The following RIMS1 variants were observed in gnomAD, a reference collection of about 807,000 sequenced individuals.
RIMS1 encodes regulating synaptic membrane exocytosis 1.
RIMS1 carries 83 observed loss-of-function variants against 214.1 expected under a neutral mutation model. The ratio of observed to expected loss-of-function variants is 0.39; its 90% CI spans 0.32 to 0.47. RIMS1 has a LOEUF of 0.47. Among genes scored for constraint, RIMS1 ranks in the 20% least tolerant of loss-of-function variants. The pLI is 0.99. For missense variants in RIMS1, 2,050 were observed against 2,161.8 expected (o/e 0.95, Z 1.03); for synonymous variants, 793 against 786.8 (o/e 1.01, Z -0.13).
At chr6:72,059,760 ATCAG>A (rs1264175786) in intron 2 of RIMS1, among the ~76,000 whole-genome samples, 30 of 152,332 alleles carry the variant, frequency 2.0e-4, no homozygotes, top group Middle Eastern at 3.4e-3. Context: ...TCTTTCAGTC[ATCAG>A]TCAATGAATC....
Position 72,266,065 on chromosome 6 carries a change from T to C in RIMS1, c.3398+16T>C. On this transcript the variant is annotated intron_variant, in intron 22 of 33. Coordinates refer to ENST00000521978, the MANE Select transcript of RIMS1 (RefSeq NM_014989.7). Reference sequence around the variant, plus strand: ...AACGAGAAAGGTATAAAATAAAGACTTTCTTAATTTCTTATCATTTGTACT... The same window carrying C: ...AACGAGAAAGGTATAAAATAAAGACCTTCTTAATTTCTTATCATTTGTACT... 1 of 1,502,890 alleles carries C rather than the reference T, an allele frequency of 6.7e-7. No homozygotes were observed. Among genetic ancestry groups the C allele is most frequent in the South Asian group, 1.2e-5 (1 of 83,250 alleles). 93.1% of individuals were successfully genotyped at this position (1,502,890 alleles called of 1,614,324 possible).
At chr6:72,336,296 C>G (rs536209451) in intron 29 of RIMS1, among the ~76,000 whole-genome samples, 1 of 151,906 alleles carries the variant, frequency 6.6e-6, no homozygotes, top group Admixed American at 6.6e-5. Flanking sequence ...TGCATAAAAA[C>G]TATACTTGTG....
Position 72,401,025 on chromosome 6 carries a change from C to T in RIMS1, c.*311C>T, listed in dbSNP as rs1208173662. On this transcript the variant is annotated 3_prime_UTR_variant, in exon 34 of 34. Transcript: ENST00000521978. Reference sequence around the variant, plus strand: ...CACACACATGCACACACACACACACCAAATTGAACAAACTGGAAACTCTCA... The same window carrying T: ...CACACACATGCACACACACACACACTAAATTGAACAAACTGGAAACTCTCA... The T allele has an allele frequency of 1.2e-5, 3 of 252,658 alleles. No individual in the cohort carries two copies. Among genetic ancestry groups the T allele is most frequent in the Non-Finnish European group, 2.3e-5 (3 of 128,952 alleles). 15.7% of individuals were successfully genotyped at this position (252,658 alleles called of 1,614,324 possible). A position where few individuals can be genotyped will look rare whatever the true frequency, so the allele number is the denominator to read the frequency against.
chr6:72,263,157 G>A, intron 19 of RIMS1: 5 of 984,130 alleles, frequency 5.1e-6, no homozygotes, highest in Non-Finnish European at 6.0e-6. Flanking sequence ...TGGAAACTTT[G>A]CAACTGAAAG....
chr6:72,319,741 C>T (rs969480383), intron 28 of RIMS1, among the ~76,000 whole-genome samples: 3 of 151,540 alleles, frequency 2.0e-5, no homozygotes, highest in Non-Finnish European at 2.9e-5. Context: ...ACGCAGGTGC[C>T]GTACACTATC....
chr6:72,326,690 T>C (rs77637343), intron 28 of RIMS1, among the ~76,000 whole-genome samples: 1 of 151,826 alleles, frequency 6.6e-6, no homozygotes, highest in Admixed American at 6.6e-5. Flanking sequence ...TTACTTGGTC[T>C]GATAGGCAGA....
rs184794329 is a variant in RIMS1, at chr6:72,148,389, A to G, written c.472-31186A>G. 5.7e-4 allele frequency among the ~76,000 whole-genome samples: 87 copies of G among 152,208 alleles called. 3 individuals carry two copies. Among genetic ancestry groups the G allele is most frequent in the Middle Eastern group, 3.4e-3 (1 of 294 alleles). ...ACCTGGGATACAAGAGGGGGAGAAA[A>G]AAAAAGATGTCCCCATTTTCTCTTC... On this transcript the variant is annotated intron_variant, in intron 4 of 33. Transcript: ENST00000521978.
intron 2 of RIMS1, among the ~76,000 whole-genome samples, chr6:72,009,979 G>A (rs113715924): frequency 0.024 from 3,671 of 152,094 alleles, 61 homozygotes; most frequent in Non-Finnish European, 0.035. Flanking sequence ...ATTTTATGAG[G>A]GCAGCATCAT....
Position 72,264,967 on chromosome 6 carries a change from C to A in RIMS1, c.3117-8C>A. 6.4e-7 allele frequency: 1 copy of A among 1,567,238 alleles called. No individual in the cohort carries two copies. The highest frequency in any genetic ancestry group is 8.7e-7 in the Non-Finnish European group (1 of 1,149,534). On this transcript the variant is annotated splice_polypyrimidine_tract_variant and splice_region_variant and intron_variant, in intron 19 of 33. Coordinates refer to ENST00000521978, the MANE Select transcript of RIMS1 (RefSeq NM_014989.7). ...TGTTTCCTGCGTGTTTGTGTTGCTA[C>A]GTTCCAGACATCTTGTTAGGCACTA...
chr6:72,401,009 GCA>G lies in RIMS1; in HGVS notation c.*309_*310del, dbSNP rs143889624. On this transcript the variant is annotated 3_prime_UTR_variant, in exon 34 of 34. Transcript: ENST00000521978. Reference sequence around the variant, plus strand: ...CACGCATACACGTACACACACACATGCACACACACACACACCAAATTGAACAA... The same window carrying G: ...CACGCATACACGTACACACACACATGCACACACACACACCAAATTGAACAA... 585 of 302,750 alleles carry G rather than the reference GCA, an allele frequency of 1.9e-3. No homozygotes were observed. Among genetic ancestry groups the G allele is most frequent in the Middle Eastern group, 3.9e-3 (4 of 1,028 alleles). The allele number at this position is 302,750 out of a possible 1,614,324, so 18.8% of individuals were successfully genotyped here.
At chr6:72,207,470 A>AT (rs907711200) in intron 6 of RIMS1, among the ~76,000 whole-genome samples, 35 of 151,950 alleles carry the variant, frequency 2.3e-4, no homozygotes, top group Admixed American at 7.9e-4. Flanking sequence ...TAATTTGTTG[A>AT]TTTTTTTTGT....
At chr6:72,187,278 G>A (rs137862371) in intron 6 of RIMS1, among the ~76,000 whole-genome samples, 87 of 152,218 alleles carry the variant, frequency 5.7e-4, no homozygotes, top group African/African-American at 2.1e-3. Flanking sequence ...TATGGGATCA[G>A]TCAGCTCACC....
At chr6:72,001,691 G>T (rs181589114) in intron 2 of RIMS1, among the ~76,000 whole-genome samples, 100 of 152,224 alleles carry the variant, frequency 6.6e-4, no homozygotes, top group Admixed American at 2.0e-3. Flanking sequence ...TACTGATTTT[G>T]ATTGTATATT....
Position 72,017,058 on chromosome 6 carries a change from G to A in RIMS1, c.245+47995G>A, listed in dbSNP as rs116168362. Among the ~76,000 whole-genome samples, 150 of 152,226 alleles carry A rather than the reference G, an allele frequency of 9.9e-4. 1 individual carries two copies. The highest frequency in any genetic ancestry group is 3.5e-3 in the African/African-American group (145 of 41,540). The stretch of plus-strand genomic sequence containing the variant: ...TAAAAGATTGCCTCTTGAGAAAAGC[G>A]CATATGCCAACACACCCTGTAGGGT... On this transcript the variant is annotated intron_variant, in intron 2 of 33. Transcript: ENST00000521978.
chr6:72,340,769 C>CT (rs1476483455), intron 29 of RIMS1, among the ~76,000 whole-genome samples: 16 of 151,950 alleles, frequency 1.1e-4, no homozygotes, highest in Non-Finnish European at 2.4e-4. Flanking sequence ...AATGCGGGCT[C>CT]TTTTTTGGTT....
intron 4 of RIMS1, among the ~76,000 whole-genome samples, chr6:72,176,291 T>TA (rs200133367): frequency 1.7e-4 from 26 of 151,666 alleles, no homozygotes; most frequent in East Asian, 1.2e-3. Context: ...TCCTCTTTTC[T>TA]AAAAAAAAAT....
At chr6:72,371,900 CA>C (rs1194640346) in intron 29 of RIMS1, among the ~76,000 whole-genome samples, 1 of 152,086 alleles carries the variant, frequency 6.6e-6, no homozygotes, top group African/African-American at 2.4e-5. Flanking sequence ...TTTCCTCATC[CA>C]AAAAACTGAA....
At chr6:72,339,172 A>G (rs1210320654) in intron 29 of RIMS1, among the ~76,000 whole-genome samples, 1 of 151,866 alleles carries the variant, frequency 6.6e-6, no homozygotes, top group East Asian at 1.9e-4. Flanking sequence ...GGCTTTCTTG[A>G]AGAGGTAAAG....
At chr6:72,213,197 A>G in intron 6 of RIMS1, 4 of 1,536,752 alleles carry the variant, frequency 2.6e-6, no homozygotes, top group Non-Finnish European at 3.5e-6. Context: ...AAGAGGGAAC[A>G]ATTGAAGCTC....
Sources: gnomAD v4.1 joint callset for allele counts (sites outside exome capture counted in the v4.1 genomes callset) on GRCh38, gnomAD v4.1.1 for gene constraint, MANE v1.5 for transcripts, NCBI Gene and HGNC (gene_info 2026-07-23, HGNC 2026-07-21) for gene names.